The following ENTREP1 variants were observed in gnomAD, a reference collection of about 807,000 sequenced individuals.
The protein encoded by ENTREP1 is endosomal transmembrane epsin interactor 1.
the ENTREP1 span, among the ~76,000 whole-genome samples, chr9:69,365,896 A>G: frequency 6.6e-6 from 1 of 152,142 alleles, no homozygotes; most frequent in African/African-American, 2.4e-5. Flanking sequence ...TTCAATGTGT[A>G]TATATACCAT....
At chr9:69,341,449 CT>C in the ENTREP1 span, among the ~76,000 whole-genome samples, 1 of 151,090 alleles carries the variant, frequency 6.6e-6, no homozygotes, top group African/African-American at 2.4e-5. Flanking sequence ...ACCTCATTAC[CT>C]GAAGAGACTA....
chr9:69,378,800 A>G, the ENTREP1 span, among the ~76,000 whole-genome samples: 1 of 152,154 alleles, frequency 6.6e-6, no homozygotes, highest in East Asian at 1.9e-4. Context: ...TTCATTCAAC[A>G]AACGTGGAAT....
the ENTREP1 span, among the ~76,000 whole-genome samples, chr9:69,358,440 T>C: frequency 6.6e-6 from 1 of 152,232 alleles, no homozygotes; most frequent in Admixed American, 6.5e-5. Context: ...TTCAGTATTA[T>C]TTACCACCAC....
the ENTREP1 span, among the ~76,000 whole-genome samples, chr9:69,344,505 G>A: frequency 5.9e-5 from 9 of 152,012 alleles, no homozygotes; most frequent in Non-Finnish European, 8.8e-5. Flanking sequence ...TTGATTTTTC[G>A]CCACCCTGTA....
chr9:69,385,905 A>C, the ENTREP1 span: 2 of 1,612,936 alleles, frequency 1.2e-6, no homozygotes, highest in African/African-American at 2.7e-5. Context: ...CTTGAGGACC[A>C]GGTCGAAGAG....
the ENTREP1 span, among the ~76,000 whole-genome samples, chr9:69,340,560 G>A: frequency 6.6e-6 from 1 of 150,448 alleles, no homozygotes; most frequent in Admixed American, 6.6e-5. Context: ...GCTATTTATG[G>A]CTATGACTAA....
chr9:69,325,132 G>C, the ENTREP1 span: 1 of 1,039,788 alleles, frequency 9.6e-7, no homozygotes, highest in Non-Finnish European at 1.2e-6. Context: ...GCCGGCTGGA[G>C]CCAGGGCAGC....
the ENTREP1 span, chr9:69,336,185 C>G: frequency 7.7e-7 from 1 of 1,300,082 alleles, no homozygotes; most frequent in Non-Finnish European, 1.1e-6. Flanking sequence ...GGTCCATTTT[C>G]TATATTTATG....
chr9:69,365,243 C>T, the ENTREP1 span, among the ~76,000 whole-genome samples: 3 of 152,262 alleles, frequency 2.0e-5, no homozygotes, highest in Non-Finnish European at 4.4e-5. Flanking sequence ...AGTCAATCTC[C>T]TCCTTCCCTG....
chr9:69,391,871 G>A, the ENTREP1 span: 2 of 1,450,790 alleles, frequency 1.4e-6, no homozygotes, highest in South Asian at 2.5e-5. Flanking sequence ...TCTTGGCTGG[G>A]AGCTGTGGTC....
the ENTREP1 span, among the ~76,000 whole-genome samples, chr9:69,378,488 C>T: frequency 4.7e-3 from 719 of 152,126 alleles, 5 homozygotes; most frequent in East Asian, 0.016. Context: ...TTCATTTAGG[C>T]GCGGCGTGGT....
the ENTREP1 span, among the ~76,000 whole-genome samples, chr9:69,351,486 G>A: frequency 3.9e-5 from 6 of 152,042 alleles, no homozygotes; most frequent in African/African-American, 1.2e-4. Context: ...GCATGATCTC[G>A]GCTCTCTACA....
chr9:69,349,171 C>T, the ENTREP1 span, among the ~76,000 whole-genome samples: 7 of 83,028 alleles, frequency 8.4e-5, 1 homozygote, highest in Admixed American at 7.6e-4. Flanking sequence ...GCGACAAAAG[C>T]GAAACTCCAT....
chr9:69,381,450 C>G, the ENTREP1 span: 5 of 152,164 alleles, frequency 3.3e-5, no homozygotes, highest in Non-Finnish European at 5.9e-5. Context: ...TGCAGTGGTG[C>G]TCAATCTTGG....
chr9:69,386,118 A>G, the ENTREP1 span: 2 of 486,656 alleles, frequency 4.1e-6, no homozygotes, highest in East Asian at 3.5e-5. Flanking sequence ...TTAGGAATAT[A>G]TATCTACCAT....
chr9:69,365,605 A>G, the ENTREP1 span, among the ~76,000 whole-genome samples: 1 of 152,114 alleles, frequency 6.6e-6, no homozygotes, highest in East Asian at 1.9e-4. Context: ...TTCAAACATT[A>G]GAACTTATTC....
At chr9:69,325,923 CTGTT>C in the ENTREP1 span, among the ~76,000 whole-genome samples, 60 of 152,264 alleles carry the variant, frequency 3.9e-4, no homozygotes, top group East Asian at 0.012. Flanking sequence ...TGGGTAGTGT[CTGTT>C]GCGCGCAGGC....
At chr9:69,367,648 TATATATAAATATATATATACACAC>T in the ENTREP1 span, among the ~76,000 whole-genome samples, 201 of 96,294 alleles carry the variant, frequency 2.1e-3, no homozygotes, top group African/African-American at 4.7e-3. Context: ...TATACACACA[TATATATAAATATATATATACACAC>T]ATATATAAAT....
chr9:69,327,020 A>T, the ENTREP1 span, among the ~76,000 whole-genome samples: 1 of 152,212 alleles, frequency 6.6e-6, no homozygotes, highest in African/African-American at 2.4e-5. Flanking sequence ...GAAAAAAAAA[A>T]AAAAGGACTC....
Sources: allele counts gnomAD v4.1 joint callset (sites outside exome capture counted in the v4.1 genomes callset), GRCh38; gene constraint gnomAD v4.1.1; transcripts MANE v1.5; gene names NCBI Gene and HGNC (gene_info 2026-07-23, HGNC 2026-07-21).